TBC1D5: variants seen among roughly 807,000 people sequenced by gnomAD.
TBC1D5 encodes TBC1 domain family, member 5.
TBC1D5 carries 75 observed loss-of-function variants against 100.3 expected under a neutral mutation model. The ratio of observed to expected loss-of-function variants is 0.75; its 90% CI spans 0.62 to 0.91. TBC1D5 has a LOEUF of 0.91. Among genes scored for constraint, TBC1D5 ranks in the 40% least tolerant of loss-of-function variants. TBC1D5 has a pLI of 0.00. For missense variants in TBC1D5, 910 were observed against 942.4 expected (o/e 0.97, Z 0.45); for synonymous variants, 323 against 325.6 (o/e 0.99, Z 0.09).
At chr3:17,372,368 T>TA (rs1475691440) in intron 12 of TBC1D5, 121 bp from the exon 13 acceptor site, 42 of 866,402 alleles carry the variant, frequency 4.8e-5, no homozygotes, top group Non-Finnish European at 1.9e-5. Flanking sequence ...TACTCATTCT[T>TA]AAAAAAAGGT....
At chr3:17,293,109 T>C (rs532764678) in intron 14 of TBC1D5, among the ~76,000 whole-genome samples, 1 of 152,340 alleles carries the variant, frequency 6.6e-6, no homozygotes, top group African/African-American at 2.4e-5. Context: ...TTCATTTTCA[T>C]TGCTGCTATG....
chr3:17,308,137 G>A lies in TBC1D5; in HGVS notation c.996-3C>T. On this transcript the variant is annotated splice_polypyrimidine_tract_variant and splice_region_variant and intron_variant, in intron 13 of 21. Coordinates refer to ENST00000253692, the Ensembl canonical transcript of TBC1D5. ...CAAATAGCAGCCGCACCCACCTTCT[G>A]GAAAGAAACAAAACAAAAATTCAGA... The A allele has an allele frequency of 1.9e-6, 3 of 1,562,814 alleles. No homozygotes were observed. Among genetic ancestry groups the A allele is most frequent in the South Asian group, 1.2e-5 (1 of 82,430 alleles).
intron 3 of TBC1D5, among the ~76,000 whole-genome samples, chr3:17,462,782 G>T (rs1388657007): frequency 1.3e-5 from 2 of 152,158 alleles, no homozygotes; most frequent in African/African-American, 4.8e-5. Flanking sequence ...CAATAAAAAT[G>T]CAATGCCAGA....
intron 2 of TBC1D5, among the ~76,000 whole-genome samples, chr3:17,546,631 T>G (rs570219812): frequency 1.0e-4 from 15 of 150,706 alleles, no homozygotes; most frequent in African/African-American, 3.4e-4. Flanking sequence ...TAACCGGGCA[T>G]GGCGGCATGA....
chr3:17,680,030 C>A (rs564596715), intron 1 of TBC1D5, among the ~76,000 whole-genome samples: 1 of 151,394 alleles, frequency 6.6e-6, no homozygotes, highest in Non-Finnish European at 1.5e-5. Flanking sequence ...GTCTAAAAGT[C>A]TTACATTAAG....
chr3:17,636,800 C>T (rs1485202968), intron 1 of TBC1D5, among the ~76,000 whole-genome samples: 1 of 136,860 alleles, frequency 7.3e-6, no homozygotes, highest in Non-Finnish European at 1.6e-5. Flanking sequence ...GACTCCGTCT[C>T]AAAAAAAAAA....
intron 1 of TBC1D5, among the ~76,000 whole-genome samples, chr3:17,628,458 C>T (rs2063239665): frequency 6.6e-6 from 1 of 151,708 alleles, no homozygotes; most frequent in South Asian, 2.1e-4. Context: ...GAAAAGTCCC[C>T]ACCCTCTCCC....
chr3:17,319,641 C>T (rs936825363), intron 13 of TBC1D5, among the ~76,000 whole-genome samples: 1 of 151,962 alleles, frequency 6.6e-6, no homozygotes, highest in Non-Finnish European at 1.5e-5. Flanking sequence ...GAGGCAGAGG[C>T]GGGCGGATCA....
At chr3:17,626,225 C>G (rs1051465084) in intron 1 of TBC1D5, among the ~76,000 whole-genome samples, 13 of 152,030 alleles carry the variant, frequency 8.6e-5, no homozygotes, top group African/African-American at 3.1e-4. Context: ...AAAAAAATGA[C>G]AAACCACATT....
At chr3:17,450,250 A>C (rs1285143721) in intron 3 of TBC1D5, among the ~76,000 whole-genome samples, 1 of 152,234 alleles carries the variant, frequency 6.6e-6, no homozygotes, top group Non-Finnish European at 1.5e-5. Flanking sequence ...CAAAGATAAA[A>C]GGTAGATAAA....
At chr3:17,212,123 G>C (rs2073055989) in intron 18 of TBC1D5, among the ~76,000 whole-genome samples, 1 of 152,182 alleles carries the variant, frequency 6.6e-6, no homozygotes, top group African/African-American at 2.4e-5. Context: ...GCTATAGCTA[G>C]ATCCTTTTCT....
intron 13 of TBC1D5, among the ~76,000 whole-genome samples, chr3:17,336,524 A>G (rs958536696): frequency 1.3e-5 from 2 of 152,136 alleles, no homozygotes; most frequent in African/African-American, 2.4e-5. Flanking sequence ...GCATTCATTC[A>G]AAGTTGTAAA....
chr3:17,474,723 C>G (rs894134878), intron 3 of TBC1D5, among the ~76,000 whole-genome samples: 2 of 152,044 alleles, frequency 1.3e-5, no homozygotes, highest in African/African-American at 4.8e-5. Context: ...CAGGCAAGGA[C>G]AGGAGAAGCA....
chr3:17,657,838 TAAC>T (rs2066241974), intron 1 of TBC1D5, among the ~76,000 whole-genome samples: 1 of 152,218 alleles, frequency 6.6e-6, no homozygotes, highest in South Asian at 2.1e-4. Context: ...TCCAATTTAT[TAAC>T]AACATATTCA....
chr3:17,349,974 A>G (rs2090357173), intron 13 of TBC1D5, among the ~76,000 whole-genome samples: 1 of 152,232 alleles, frequency 6.6e-6, no homozygotes, highest in East Asian at 1.9e-4. Flanking sequence ...GTCATGCCCT[A>G]TGAAATAAAT....
intron 8 of TBC1D5, among the ~76,000 whole-genome samples, chr3:17,393,727 G>A (rs995244915): frequency 6.6e-6 from 1 of 152,116 alleles, no homozygotes; most frequent in African/African-American, 2.4e-5. Context: ...ATGGGGAAAG[G>A]ACTCCCTATT....
intron 2 of TBC1D5, among the ~76,000 whole-genome samples, chr3:17,591,272 A>AAAAC (rs2096769889): frequency 7.6e-5 from 11 of 143,832 alleles, no homozygotes; most frequent in African/African-American, 2.9e-4. Context: ...AAAAACAAAA[A>AAAAC]CCCCAGAGAA....
At chr3:17,160,994 C>A (rs1341104810) in exon 22 of TBC1D5, 21 of 1,613,992 alleles carry the variant, frequency 1.3e-5, no homozygotes, top group African/African-American at 2.7e-5. Context: ...AATGGTGAAG[C>A]CAGAGTCCTT....
intron 1 of TBC1D5, among the ~76,000 whole-genome samples, chr3:17,705,739 G>C: frequency 7.1e-6 from 1 of 141,750 alleles, no homozygotes; most frequent in African/African-American, 2.6e-5. Flanking sequence ...TGGCGGCCGG[G>C]CGGAGACGCT....
Sources: gnomAD v4.1 joint callset for allele counts (sites outside exome capture counted in the v4.1 genomes callset) on GRCh38, gnomAD v4.1.1 for gene constraint, MANE v1.5 for transcripts, NCBI Gene and HGNC (gene_info 2026-07-23, HGNC 2026-07-21) for gene names.